ZNF83: variants seen among roughly 807,000 people sequenced by gnomAD.
The protein encoded by ZNF83 is zinc finger protein 83.
For synonymous variants in ZNF83, 209 were observed against 213.0 expected (o/e 0.98, Z 0.17); for missense variants, 552 against 629.9 (o/e 0.88, Z 1.32).
At chr19:52,667,015 A>AC (rs1167547179) in intron 1 of ZNF83, among the ~76,000 whole-genome samples, 1 of 152,212 alleles carries the variant, frequency 6.6e-6, no homozygotes, top group Non-Finnish European at 1.5e-5. Context: ...GGCCACCTAT[A>AC]CCACTTCTAA....
exon 3 of ZNF83, chr19:52,613,030 G>T (rs773723730): frequency 7.5e-6 from 12 of 1,599,052 alleles, no homozygotes; most frequent in Non-Finnish European, 1.0e-5. Flanking sequence ...ACATGTGTTA[G>T]ATTTCTTTCC....
chr19:52,687,616 GTATATATATATATAATGTATATATATATA>G (rs2062062645), intron 1 of ZNF83, among the ~76,000 whole-genome samples: 1 of 15,822 alleles, frequency 6.3e-5, no homozygotes, highest in Non-Finnish European at 1.1e-4. Context: ...TATATAATGT[GTATATATATATATAATGTATATATATATA>G]TATATATATA....
At chr19:52,649,817 G>GA (rs957163883) in intron 3 of ZNF83, among the ~76,000 whole-genome samples, 2 of 151,978 alleles carry the variant, frequency 1.3e-5, no homozygotes, top group African/African-American at 4.8e-5. Context: ...TAGAAAACTG[G>GA]AAAAAACAGT....
chr19:52,680,062 C>T (rs1196348331), intron 1 of ZNF83, among the ~76,000 whole-genome samples: 1 of 152,034 alleles, frequency 6.6e-6, no homozygotes, highest in African/African-American at 2.4e-5. Flanking sequence ...GCTGGTAATC[C>T]CAGCTACTTG....
chr19:52,623,622 T>TC (rs1273437081), intron 2 of ZNF83, among the ~76,000 whole-genome samples: 1 of 151,868 alleles, frequency 6.6e-6, no homozygotes, highest in East Asian at 1.9e-4. Context: ...TCCTCTTGTA[T>TC]CCCCCCACCT....
intron 1 of ZNF83, among the ~76,000 whole-genome samples, chr19:52,679,562 G>A (rs2061873315): frequency 1.3e-5 from 2 of 152,196 alleles, no homozygotes; most frequent in South Asian, 4.1e-4. Flanking sequence ...AATGAGCACA[G>A]ATTGCACCAC....
rs909116320 is a variant in ZNF83, at chr19:52,676,156, T to G, written c.-283+14287A>C. ...CCGCCACGCCTGACTGGTTTTCGTA[T>G]TTTTTTGGTGGAGACGGGGTTTCGC... On this transcript the variant is annotated intron_variant, in intron 1 of 5. Transcript: ENST00000594682. Among the ~76,000 whole-genome samples the G allele has an allele frequency of 3.3e-5, 5 of 152,194 alleles. No individual in the cohort carries two copies. In the East Asian group the frequency reaches 9.7e-4, roughly 29 times the overall value.
intron 1 of ZNF83, among the ~76,000 whole-genome samples, chr19:52,670,912 G>GCC: frequency 6.6e-6 from 1 of 152,204 alleles, no homozygotes; most frequent in Non-Finnish European, 1.5e-5. Flanking sequence ...GATAAAAGAT[G>GCC]TTGGAGACCA....
At position 52,613,495 on chromosome 19, in the gene ZNF83, T is replaced by C. The variant is rs139303117; in HGVS notation, c.1070A>G (p.Asn357Ser). The C allele has an allele frequency of 2.1e-3, 3,460 of 1,614,022 alleles. 7 individuals are homozygous for C. Among genetic ancestry groups the C allele is most frequent in the Non-Finnish European group, 2.6e-3 (3,096 of 1,180,010 alleles). ...TATCAGATGTTGGGCAAGGTATGAA[T>C]TGCGACTGAAGACCTTGCCACATTC... The change falls in exon 3 of 3, where the codon AAT becomes AGT. Residue 357 changes from asparagine to serine, a missense_variant. Transcript: ENST00000301096.
chr19:52,612,798 T>G, exon 3 of ZNF83: 1 of 500,374 alleles, frequency 2.0e-6, no homozygotes. Context: ...CCAGCAAGAA[T>G]TCTTTGAAGA....
At chr19:52,652,623 G>T in intron 3 of ZNF83, 1 of 463,398 alleles carries the variant, frequency 2.2e-6, no homozygotes, top group Non-Finnish European at 4.3e-6. Flanking sequence ...TGAAATATCT[G>T]CCACATTTAC....
intron 1 of ZNF83, among the ~76,000 whole-genome samples, chr19:52,685,323 C>G (rs1397470374): frequency 6.6e-6 from 1 of 152,092 alleles, no homozygotes; most frequent in East Asian, 1.9e-4. Context: ...GAAGGTGTGT[C>G]TGAATTCTTA....
At chr19:52,649,756 CTAGCCATTGG>C (rs1337818293) in intron 3 of ZNF83, among the ~76,000 whole-genome samples, 1 of 152,086 alleles carries the variant, frequency 6.6e-6, no homozygotes, top group Non-Finnish European at 1.5e-5. Context: ...TTACCAATAG[CTAGCCATTGG>C]TAGCCATTTA....
At chr19:52,634,822 TC>T (rs2147187290) in intron 2 of ZNF83, among the ~76,000 whole-genome samples, 1 of 152,226 alleles carries the variant, frequency 6.6e-6, no homozygotes, top group African/African-American at 2.4e-5. Flanking sequence ...CCCGTCTCCA[TC>T]CATGTCTGGG....
chr19:52,689,820 G>A lies in ZNF83; in HGVS notation c.-283+623C>T, dbSNP rs183237943. The stretch of plus-strand genomic sequence containing the variant: ...GTTTGGAGTAAGACGCCTGCATCCC[G>A]GAGGAGCTTATTTTCCAGGGGCTGG... On this transcript the variant is annotated intron_variant, in intron 1 of 5. Coordinates refer to the ZNF83 transcript ENST00000594682. Among the ~76,000 whole-genome samples the A allele has an allele frequency of 2.6e-3, 395 of 152,238 alleles. 1 individual carries two copies. The highest frequency in any genetic ancestry group is 9.0e-3 in the African/African-American group (375 of 41,482).
chr19:52,635,925 G>A (rs57957003), intron 1 of ZNF83: 1 of 150,550 alleles, frequency 6.6e-6, no homozygotes, highest in Non-Finnish European at 1.5e-5. Context: ...CTGGGAAGCT[G>A]AGATTGTGGT....
intron 1 of ZNF83, among the ~76,000 whole-genome samples, chr19:52,661,920 C>T (rs1409225616): frequency 6.6e-6 from 1 of 151,476 alleles, no homozygotes; most frequent in Non-Finnish European, 1.5e-5. Context: ...ACAGAGAGTC[C>T]TAGGCCGAGG....
Position 52,687,386 on chromosome 19 carries a change from T to TA in ZNF83, c.-283+3056dup, listed in dbSNP as rs2062036671. On this transcript the variant is annotated intron_variant, in intron 1 of 5. Transcript: ENST00000594682. ...ATTATAATATAAATTATAATTTATA[T>TA]ATATATAATTTATATAGCTATATAA... Among the ~76,000 whole-genome samples, 2 of 36,640 alleles carry TA rather than the reference T, an allele frequency of 5.5e-5. 1 individual carries two copies. Among genetic ancestry groups the TA allele is most frequent in the African/African-American group, 6.9e-4 (2 of 2,898 alleles). The allele number at this position is 36,640 out of a possible 152,430, so 24.0% of individuals were successfully genotyped here. A position where few individuals can be genotyped will look rare whatever the true frequency, so the allele number is the denominator to read the frequency against.
intron 2 of ZNF83, among the ~76,000 whole-genome samples, chr19:52,620,359 G>A (rs62118483): frequency 0.19 from 28,513 of 151,378 alleles, 2,800 homozygotes; most frequent in Middle Eastern, 0.28. Context: ...GGCAGTTGAG[G>A]GCAGGGGAGA....
Sources: gnomAD v4.1 joint callset for allele counts (sites outside exome capture counted in the v4.1 genomes callset) on GRCh38, gnomAD v4.1.1 for gene constraint, MANE v1.5 for transcripts, NCBI Gene and HGNC (gene_info 2026-07-23, HGNC 2026-07-21) for gene names.